AQP7B: variants seen among roughly 807,000 people sequenced by gnomAD.
AQP7B encodes the protein aquaporin 7B.
the AQP7B span, chr2:94,604,613 CAA>C: frequency 5.9e-6 from 9 of 1,518,334 alleles, no homozygotes; most frequent in Non-Finnish European, 8.0e-6. Context: ...CCCAATAAAG[CAA>C]AGCTTGTCCC....
chr2:94,599,509 A>C, the AQP7B span, among the ~76,000 whole-genome samples: 2 of 151,574 alleles, frequency 1.3e-5, no homozygotes, highest in African/African-American at 2.4e-5. Context: ...TCAACACTTC[A>C]TATGTTCAGC....
At chr2:94,591,435 G>A in the AQP7B span, among the ~76,000 whole-genome samples, 21 of 152,136 alleles carry the variant, frequency 1.4e-4, no homozygotes, top group Non-Finnish European at 2.5e-4. Context: ...GTGGCCATTG[G>A]CACTGCCATC....
chr2:94,593,609 C>G, the AQP7B span, among the ~76,000 whole-genome samples: 93 of 151,508 alleles, frequency 6.1e-4, no homozygotes, highest in Non-Finnish European at 1.2e-3. Flanking sequence ...CCTCAGCCTC[C>G]GAAGTAGCTG....
At chr2:94,590,368 A>C in the AQP7B span, among the ~76,000 whole-genome samples, 1 of 151,198 alleles carries the variant, frequency 6.6e-6, no homozygotes, top group East Asian at 2.0e-4. Flanking sequence ...TTTTATTTTT[A>C]GTGGAAATGG....
the AQP7B span, among the ~76,000 whole-genome samples, chr2:94,598,221 A>T: frequency 5.3e-5 from 8 of 152,082 alleles, no homozygotes; most frequent in African/African-American, 1.4e-4. Context: ...CTTTTTTTTA[A>T]AAATATATAT....
the AQP7B span, among the ~76,000 whole-genome samples, chr2:94,598,291 G>A: frequency 1.3e-5 from 2 of 152,108 alleles, no homozygotes; most frequent in Non-Finnish European, 2.9e-5. Flanking sequence ...GTGTGACCTT[G>A]GCCCCATTTA....
the AQP7B span, among the ~76,000 whole-genome samples, chr2:94,602,804 A>C: frequency 8.5e-5 from 13 of 152,088 alleles, no homozygotes; most frequent in Admixed American, 3.9e-4. Context: ...GGCCCCCCTG[A>C]CCTACCATTT....
At chr2:94,590,899 T>A in the AQP7B span, among the ~76,000 whole-genome samples, 3 of 139,506 alleles carry the variant, frequency 2.2e-5, no homozygotes, top group Non-Finnish European at 3.0e-5. Flanking sequence ...GAGCTTTGAC[T>A]GTGCCACTGC....
chr2:94,587,943 AG>A, the AQP7B span, among the ~76,000 whole-genome samples: 2 of 152,056 alleles, frequency 1.3e-5, no homozygotes, highest in South Asian at 2.1e-4. Context: ...AGACAGGGTG[AG>A]GGGACTTCGG....
At chr2:94,603,862 A>G in the AQP7B span, 18 of 1,416,794 alleles carry the variant, frequency 1.3e-5, no homozygotes, top group South Asian at 2.1e-4. Context: ...ATATGCCATC[A>G]ATCCATCCCG....
chr2:94,594,595 T>A, the AQP7B span: 1 of 612,578 alleles, frequency 1.6e-6, no homozygotes, highest in Non-Finnish European at 2.9e-6. Context: ...TGTCTCCAAT[T>A]CCAGCTGTCC....
At chr2:94,592,438 G>C in the AQP7B span, among the ~76,000 whole-genome samples, 1 of 152,122 alleles carries the variant, frequency 6.6e-6, no homozygotes, top group Non-Finnish European at 1.5e-5. Flanking sequence ...GATTGAGGGG[G>C]ATGCAGAGTT....
the AQP7B span, chr2:94,602,999 T>G: frequency 6.4e-6 from 10 of 1,571,744 alleles, no homozygotes; most frequent in Admixed American, 1.1e-4. Flanking sequence ...TTGTTTGTTC[T>G]GCTCTCACTC....
At chr2:94,593,310 C>A in the AQP7B span, among the ~76,000 whole-genome samples, 120 of 151,650 alleles carry the variant, frequency 7.9e-4, no homozygotes, top group African/African-American at 2.9e-3. Context: ...AGACCATTCT[C>A]GGTGTAGGAC....
the AQP7B span, among the ~76,000 whole-genome samples, chr2:94,597,279 C>A: frequency 2.0e-5 from 3 of 152,184 alleles, no homozygotes; most frequent in African/African-American, 2.4e-5. Context: ...GGGCTGTTAA[C>A]CCTTGGAACC....
the AQP7B span, among the ~76,000 whole-genome samples, chr2:94,601,375 C>T: frequency 1.3e-5 from 2 of 152,326 alleles, no homozygotes; most frequent in African/African-American, 2.4e-5. Flanking sequence ...GAGACGCCCA[C>T]GGAACACCAG....
At chr2:94,604,372 T>C in the AQP7B span, 1 of 1,611,420 alleles carries the variant, frequency 6.2e-7, no homozygotes, top group Non-Finnish European at 8.5e-7. Flanking sequence ...TGGTCTTCAT[T>C]GGCTCCACCA....
At chr2:94,592,869 G>A in the AQP7B span, among the ~76,000 whole-genome samples, 3 of 112,764 alleles carry the variant, frequency 2.7e-5, no homozygotes, top group South Asian at 3.2e-4. Flanking sequence ...TGTCACCCAC[G>A]CTGGAGTGCA....
At chr2:94,601,767 G>A in the AQP7B span, among the ~76,000 whole-genome samples, 8 of 152,194 alleles carry the variant, frequency 5.3e-5, no homozygotes, top group Admixed American at 1.3e-4. Flanking sequence ...AGAATGGAAG[G>A]TATGGGGGAG....
Sources: allele counts gnomAD v4.1 joint callset (sites outside exome capture counted in the v4.1 genomes callset), GRCh38; gene constraint gnomAD v4.1.1; transcripts MANE v1.5; gene names NCBI Gene and HGNC (gene_info 2026-07-23, HGNC 2026-07-21).